ZFPM2: variants seen among roughly 807,000 people sequenced by gnomAD.
ZFPM2 encodes the protein zinc finger protein, FOG family member 2, also known as zinc finger protein ZFPM2.
In ZFPM2, 20 loss-of-function variants were observed where a neutral mutation model predicts 98.6. That is an observed-to-expected ratio of 0.20 (90% CI 0.14 to 0.29). The LOEUF (loss-of-function observed/expected upper bound fraction) is 0.29. ZFPM2 is among the 10% of genes least tolerant of loss of function. The pLI is 1.00. For missense variants in ZFPM2, 1,310 were observed against 1,388.6 expected, an observed-to-expected ratio of 0.94 and a Z score of 0.90; for synonymous variants, 518 against 502.7, an observed-to-expected ratio of 1.03 and a Z score of -0.41.
intron 1 of ZFPM2, among the ~76,000 whole-genome samples, chr8:105,335,774 A>G (rs1311302630): frequency 6.6e-6 from 1 of 151,834 alleles, no homozygotes; most frequent in Non-Finnish European, 1.5e-5. Flanking sequence ...TGAGAAGGCT[A>G]CACAAAATTT....
chr8:105,441,434 A>AG (rs1812236685), intron 2 of ZFPM2, among the ~76,000 whole-genome samples: 6 of 94,994 alleles, frequency 6.3e-5, no homozygotes, highest in African/African-American at 2.5e-4. Context: ...GAAAGAAAGA[A>AG]AGAGAGAGAG....
chr8:105,418,098 T>A (rs893548448), intron 1 of ZFPM2, among the ~76,000 whole-genome samples: 2 of 152,160 alleles, frequency 1.3e-5, no homozygotes, highest in African/African-American at 4.8e-5. Flanking sequence ...TATTTTAAAT[T>A]ATTTATAAGA....
intron 3 of ZFPM2, among the ~76,000 whole-genome samples, chr8:105,527,968 C>G (rs2130571532): frequency 6.6e-6 from 1 of 152,196 alleles, no homozygotes; most frequent in Non-Finnish European, 1.5e-5. Context: ...TTGTGGTATG[C>G]CAGGTTTTTA....
intron 3 of ZFPM2, among the ~76,000 whole-genome samples, chr8:105,521,627 G>A (rs1447789975): frequency 1.3e-5 from 2 of 151,884 alleles, no homozygotes; most frequent in Admixed American, 6.6e-5. Flanking sequence ...GCCTAGACTG[G>A]ACTGCAGTGG....
chr8:105,562,780 T>A lies in ZFPM2; in HGVS notation c.420+1299T>A, dbSNP rs929143592. ...CCTGGGTCGTCTAAGCTAATTTCTC[T>A]ATTTTAAGGTCAGCTGATTAACACT... On this transcript the variant is annotated intron_variant, in intron 4 of 7. Transcript: ENST00000407775. 2.0e-4 allele frequency among the ~76,000 whole-genome samples: 30 copies of A among 152,186 alleles called. 1 individual carries two copies. Among genetic ancestry groups the A allele is most frequent in the Admixed American group, 1.9e-3 (29 of 15,268 alleles).
At chr8:105,771,366 T>G (rs1484554184) in intron 5 of ZFPM2, among the ~76,000 whole-genome samples, 5 of 152,234 alleles carry the variant, frequency 3.3e-5, no homozygotes, top group South Asian at 2.1e-4. Context: ...TGTGAAACAG[T>G]GAAAAGAATT....
At chr8:105,735,042 T>A (rs1812035364) in intron 5 of ZFPM2, among the ~76,000 whole-genome samples, 1 of 148,972 alleles carries the variant, frequency 6.7e-6, no homozygotes, top group Admixed American at 6.8e-5. Flanking sequence ...AGTTTTGCAT[T>A]CCTTTTAATG....
chr8:105,324,362 G>C (rs571042472), intron 1 of ZFPM2, among the ~76,000 whole-genome samples: 37 of 151,784 alleles, frequency 2.4e-4, no homozygotes, highest in Admixed American at 5.9e-4. Flanking sequence ...TTACAGTTAA[G>C]GTAACTCATT....
intron 4 of ZFPM2, among the ~76,000 whole-genome samples, chr8:105,596,024 A>G (rs1815963234): frequency 1.3e-5 from 2 of 151,376 alleles, no homozygotes; most frequent in South Asian, 2.1e-4. Context: ...AAAACCAACA[A>G]CAAAAAAAGA....
intron 5 of ZFPM2, among the ~76,000 whole-genome samples, chr8:105,767,790 C>T (rs1383960155): frequency 6.6e-6 from 1 of 151,828 alleles, no homozygotes; most frequent in Non-Finnish European, 1.5e-5. Context: ...CTTGGAACAG[C>T]TAAGCTTCCG....
intron 4 of ZFPM2, among the ~76,000 whole-genome samples, chr8:105,627,384 G>A (rs547454802): frequency 6.6e-6 from 1 of 152,194 alleles, no homozygotes; most frequent in Admixed American, 6.5e-5. Flanking sequence ...ATTTTAAAAT[G>A]TACAATGTGG....
chr8:105,435,570 C>A (rs1412472062), intron 2 of ZFPM2, among the ~76,000 whole-genome samples: 2 of 152,074 alleles, frequency 1.3e-5, no homozygotes, highest in Non-Finnish European at 2.9e-5. Context: ...TCTTAACAAA[C>A]TTGTCGTTAT....
chr8:105,450,337 G>A (rs770353689), intron 3 of ZFPM2, among the ~76,000 whole-genome samples: 2 of 152,074 alleles, frequency 1.3e-5, no homozygotes, highest in African/African-American at 2.4e-5. Context: ...GAAGATTACA[G>A]TTCTGATTTC....
chr8:105,468,144 A>T (rs1001859003), intron 3 of ZFPM2, among the ~76,000 whole-genome samples: 1 of 151,540 alleles, frequency 6.6e-6, no homozygotes, highest in African/African-American at 2.4e-5. Flanking sequence ...GGCCTCCTAG[A>T]TATACCGTTC....
At chr8:105,503,433 A>T (rs1813635891) in intron 3 of ZFPM2, among the ~76,000 whole-genome samples, 1 of 152,238 alleles carries the variant, frequency 6.6e-6, no homozygotes, top group Non-Finnish European at 1.5e-5. Flanking sequence ...AACTATGTAG[A>T]TAAGAATAAA....
At chr8:105,613,717 T>G (rs2130803711) in intron 4 of ZFPM2, among the ~76,000 whole-genome samples, 1 of 152,212 alleles carries the variant, frequency 6.6e-6, no homozygotes. Flanking sequence ...GTGTTCAGTT[T>G]AAGACTCTGT....
chr8:105,639,444 G>A (rs1816908132), intron 5 of ZFPM2, among the ~76,000 whole-genome samples: 1 of 151,958 alleles, frequency 6.6e-6, no homozygotes, highest in African/African-American at 2.4e-5. Context: ...TGTCAATCAA[G>A]AGAGTGAAAA....
At chr8:105,412,527 GCAGGCAAC>G (rs1194650564) in intron 1 of ZFPM2, among the ~76,000 whole-genome samples, 1 of 151,598 alleles carries the variant, frequency 6.6e-6, no homozygotes, top group Non-Finnish European at 1.5e-5. Flanking sequence ...TCTGCTACCT[GCAGGCAAC>G]AAATGTAAAT....
chr8:105,481,998 A>G (rs1263578415), intron 3 of ZFPM2, among the ~76,000 whole-genome samples: 2 of 152,226 alleles, frequency 1.3e-5, no homozygotes, highest in African/African-American at 4.8e-5. Context: ...ACATATATGC[A>G]CTAAAGTAAT....
Sources: allele counts gnomAD v4.1 joint callset (sites outside exome capture counted in the v4.1 genomes callset), GRCh38; gene constraint gnomAD v4.1.1; transcripts MANE v1.5; gene names NCBI Gene and HGNC (gene_info 2026-07-23, HGNC 2026-07-21).